The following PCDHGA1 variants were observed in gnomAD, a reference collection of about 807,000 sequenced individuals.
PCDHGA1 encodes the protein protocadherin gamma-A1.
In PCDHGA1, 32 loss-of-function variants were observed where a neutral mutation model predicts 58.0. The observed-to-expected ratio is 0.55, with a 90% CI of 0.42 to 0.74. The LOEUF (loss-of-function observed/expected upper bound fraction) is 0.74, where lower values mean the gene tolerates loss of function less well. PCDHGA1 is among the 30% of genes least tolerant of loss of function. The pLI, the probability that PCDHGA1 is intolerant of heterozygous loss-of-function variation, is 0.00. For synonymous variants in PCDHGA1, 498 were observed against 501.1 expected, an observed-to-expected ratio of 0.99 and a Z score of 0.08; for missense variants, 1,205 against 1,182.3, an observed-to-expected ratio of 1.02 and a Z score of -0.28.
At chr5:141,421,973 G>C in intron 1 of PCDHGA1, 1 of 1,610,100 alleles carries the variant, frequency 6.2e-7, no homozygotes, top group Non-Finnish European at 8.5e-7. Context: ...TCCGTATATC[G>C]CGTGAGTGTT....
At chr5:141,421,993 A>G in intron 1 of PCDHGA1, 1 of 1,609,190 alleles carries the variant, frequency 6.2e-7, no homozygotes, top group South Asian at 1.1e-5. Flanking sequence ...TCCAGAAAAC[A>G]TCAGCTCCGG....
Position 141,331,085 on chromosome 5 carries a change from A to T in PCDHGA1, c.401A>T (p.Gln134Leu). The T allele has an allele frequency of 1.9e-6, 3 of 1,600,524 alleles. No homozygotes were observed. The South Asian group carries it at 3.3e-5, about 18-fold the overall frequency. The stretch of plus-strand genomic sequence containing the variant: ...ATTAATGACAACACTCCCCAATTCC[A>T]GTTAGAGGAACTGGAGTTTAAAATG... ...IDINDNTPQFQLEELEFKMNE... is the reference protein window; with the variant it reads ...IDINDNTPQFLLEELEFKMNE... The change falls in exon 1 of 4, where the codon CAG becomes CTG. Residue 134 changes from glutamine to leucine, a missense_variant. Physicochemically the swap from Gln to Leu is moderately radical, Grantham distance 113. Coordinates refer to ENST00000517417, the MANE Select transcript of PCDHGA1 (RefSeq NM_018912.3).
At chr5:141,341,509 A>C in intron 1 of PCDHGA1, 1 of 1,538,166 alleles carries the variant, frequency 6.5e-7, no homozygotes, top group Non-Finnish European at 8.7e-7. Context: ...GTCAAGTTTT[A>C]GGAAGTGAGT....
Position 141,490,972 on chromosome 5 carries a change from C to G in PCDHGA1, c.2422-3835C>G. 6.2e-7 allele frequency: 1 copy of G among 1,613,912 alleles called. No homozygotes were observed. Among genetic ancestry groups the G allele is most frequent in the Non-Finnish European group, 8.5e-7 (1 of 1,179,922 alleles). Reference sequence around the variant, plus strand: ...AGACTGGGAACACTCAGCCCCCCAGCGTCTCCCTCGCTCTGCTCCTCCTGG... The same window carrying G: ...AGACTGGGAACACTCAGCCCCCCAGGGTCTCCCTCGCTCTGCTCCTCCTGG... On this transcript the variant is annotated intron_variant, in intron 1 of 3. Coordinates refer to ENST00000517417, the MANE Select transcript of PCDHGA1 (RefSeq NM_018912.3). The surrounding 1 kb of genome is among the most constrained non-coding windows in gnomAD (Gnocchi z 5.4).
intron 1 of PCDHGA1, chr5:141,341,148 A>T: frequency 6.2e-7 from 1 of 1,614,220 alleles, no homozygotes; most frequent in Non-Finnish European, 8.5e-7. Context: ...CGCCTGCTGC[A>T]GGCTTCAGGA....
chr5:141,395,182 C>A (rs143509166), intron 1 of PCDHGA1: 1 of 1,614,114 alleles, frequency 6.2e-7, no homozygotes, highest in South Asian at 1.1e-5. Context: ...AAAAATGATT[C>A]TTTGTTAACA....
At chr5:141,373,548 A>G (rs546721232) in intron 1 of PCDHGA1, among the ~76,000 whole-genome samples, 5 of 152,332 alleles carry the variant, frequency 3.3e-5, no homozygotes, top group African/African-American at 9.6e-5. Context: ...GGTTGTTGGT[A>G]CCCTTACTGA....
intron 1 of PCDHGA1, chr5:141,394,424 C>G (rs781695042): frequency 6.2e-7 from 1 of 1,614,222 alleles, no homozygotes; most frequent in East Asian, 2.2e-5. Flanking sequence ...CCAGCGACAG[C>G]GGGGACCCGC....
Position 141,432,035 on chromosome 5 carries a change from G to T in PCDHGA1, c.2422-62772G>T. 1 of 1,614,218 alleles carries T rather than the reference G, an allele frequency of 6.2e-7. No homozygotes were observed. The highest frequency in any genetic ancestry group is 1.1e-5 in the South Asian group (1 of 91,066). On this transcript the variant is annotated intron_variant, in intron 1 of 3. Transcript: ENST00000517417. The surrounding 1 kb of genome is among the most constrained non-coding windows in gnomAD (Gnocchi z 6.0). ...CTACAACATCACAGTGACCGCCACT[G>T]ACCGGGGAACCCCGCCCCTATCCAC... is the stretch of plus-strand genomic sequence containing the variant.
chr5:141,484,864 A>G, intron 1 of PCDHGA1: 1 of 263,722 alleles, frequency 3.8e-6, no homozygotes, highest in Non-Finnish European at 7.2e-6. Context: ...GGGGTGGGGG[A>G]GCGTGGAGGA....
At chr5:141,389,918 C>T (rs1341057088) in intron 1 of PCDHGA1, 1 of 1,614,086 alleles carries the variant, frequency 6.2e-7, no homozygotes, top group Non-Finnish European at 8.5e-7. Context: ...ACCGCCCCGA[C>T]CCCTCTGACC....
chr5:141,422,807 G>C (rs199507728), intron 1 of PCDHGA1: 7 of 1,614,198 alleles, frequency 4.3e-6, no homozygotes, highest in Non-Finnish European at 5.9e-6. Context: ...GAGCAGTTTC[G>C]AGACTTAGAA....
At position 141,489,090 on chromosome 5, in the gene PCDHGA1, C is replaced by A; in HGVS notation, c.2422-5717C>A. On this transcript the variant is annotated intron_variant, in intron 1 of 3. Transcript: ENST00000517417. The surrounding 1 kb of genome is among the most constrained non-coding windows in gnomAD (Gnocchi z 4.5). Reference sequence around the variant, plus strand: ...CCTGCCCACCCCCGCCACTCGGTGACTAAGAACTGCTGCAAGCAGGCAAAC... The same window carrying A: ...CCTGCCCACCCCCGCCACTCGGTGAATAAGAACTGCTGCAAGCAGGCAAAC... The A allele has an allele frequency of 1.5e-5, 5 of 328,802 alleles. No individual in the cohort carries two copies. The highest frequency in any genetic ancestry group is 4.8e-5 in the East Asian group (1 of 20,928). 20.4% of individuals were successfully genotyped at this position (328,802 alleles called of 1,614,324 possible).
At chr5:141,355,865 G>C in intron 1 of PCDHGA1, 1 of 1,612,652 alleles carries the variant, frequency 6.2e-7, no homozygotes, top group Non-Finnish European at 8.5e-7. Flanking sequence ...GACCCGGTTC[G>C]CTCTGGCACT....
At chr5:141,404,215 G>T (rs1372288822) in intron 1 of PCDHGA1, 15 of 1,613,346 alleles carry the variant, frequency 9.3e-6, no homozygotes, top group Non-Finnish European at 1.3e-5. Context: ...ATAATATCAC[G>T]GTGACTGCAA....
At chr5:141,409,878 C>T in intron 1 of PCDHGA1, 4 of 1,612,952 alleles carry the variant, frequency 2.5e-6, no homozygotes, top group Middle Eastern at 1.6e-4. Flanking sequence ...AATGACAACG[C>T]ACCGCGGGTG....
intron 1 of PCDHGA1, chr5:141,362,465 C>A: frequency 6.2e-7 from 1 of 1,614,054 alleles, no homozygotes; most frequent in South Asian, 1.1e-5. Context: ...TTGGTTCCCG[C>A]GCAAGATCTC....
At chr5:141,451,224 C>G (rs2098710956) in intron 1 of PCDHGA1, among the ~76,000 whole-genome samples, 1 of 152,170 alleles carries the variant, frequency 6.6e-6, no homozygotes, top group South Asian at 2.1e-4. Flanking sequence ...TTAAAAGAAG[C>G]ATTTATTATC....
At chr5:141,427,992 T>C in intron 1 of PCDHGA1, 1 of 1,599,002 alleles carries the variant, frequency 6.3e-7, no homozygotes, top group Non-Finnish European at 8.6e-7. Context: ...GCCCGATGGC[T>C]CCGCACTCTT....
Sources: allele counts gnomAD v4.1 joint callset (sites outside exome capture counted in the v4.1 genomes callset), GRCh38; gene constraint gnomAD v4.1.1; non-coding constraint Gnocchi (gnomAD v3.1); transcripts MANE v1.5; gene names NCBI Gene and HGNC (gene_info 2026-07-23, HGNC 2026-07-21).